Variants in ALS2CL observed in about 807,000 individuals in gnomAD.
The protein encoded by ALS2CL is ALS2 C-terminal-like protein.
A neutral mutation model predicts 127.9 loss-of-function variants in ALS2CL; 112 were observed. The observed-to-expected ratio is 0.88, with a 90% CI of 0.75 to 1.02. The LOEUF (loss-of-function observed/expected upper bound fraction) is 1.02, where lower values mean the gene tolerates loss of function less well. Ranked by LOEUF, ALS2CL falls within the 50% of genes least tolerant of loss-of-function variation. The pLI is 0.00. For synonymous variants in ALS2CL, 519 were observed against 527.6 expected, an observed-to-expected ratio of 0.98 and a Z score of 0.22; for missense variants, 1,174 against 1,236.7, an observed-to-expected ratio of 0.95 and a Z score of 0.76.
chr3:46,679,309 A>T, intron 14 of ALS2CL, 22 bp from the exon 15 acceptor site: 1 of 1,552,772 alleles, frequency 6.4e-7, no homozygotes, highest in South Asian at 1.2e-5. Flanking sequence ...GAAGCCAGGG[A>T]GGGTAGAAAG....
rs1424715473 is a variant in ALS2CL, at chr3:46,670,964, T to G, written c.*20A>C. 1 of 1,608,126 alleles carries G rather than the reference T, an allele frequency of 6.2e-7. No homozygotes were observed. Among genetic ancestry groups the G allele is most frequent in the South Asian group, 1.1e-5 (1 of 90,976 alleles). The stretch of plus-strand genomic sequence containing the variant: ...GGCAGTGCCCTGCTCAGCTCTTCAG[T>G]CTGTCCAGGAAAGGCCAGGCTACCA... On this transcript the variant is annotated 3_prime_UTR_variant, in exon 26 of 26. Transcript: ENST00000318962. This position sits in a 1 kb window ranked among gnomAD's most constrained non-coding sequence, Gnocchi z 5.5.
In ALS2CL at chr3:46,681,151, G is replaced by T; in HGVS notation, c.1436+95C>A. On this transcript the variant is annotated intron_variant, in intron 13 of 25. Coordinates refer to ENST00000318962, the MANE Select transcript of ALS2CL (RefSeq NM_147129.5). The surrounding 1 kb of genome is among the most constrained non-coding windows in gnomAD (Gnocchi z 4.9). ...GTGAGGGGCTTAAGAGAGACACAGTGGGGGACAAACAGGAGCCTGTGTCCT... is the reference window on the plus strand; with the variant it reads ...GTGAGGGGCTTAAGAGAGACACAGTTGGGGACAAACAGGAGCCTGTGTCCT... 1 of 1,562,806 alleles carries T rather than the reference G, an allele frequency of 6.4e-7. No homozygotes were observed. The highest frequency in any genetic ancestry group is 1.7e-4 in the Middle Eastern group (1 of 5,968).
Position 46,678,265 on chromosome 3 carries a change from C to A in ALS2CL, c.1751G>T (p.Cys584Phe). Residue 584 changes from cysteine (C) to phenylalanine (F), a missense_variant, in exon 16 of 26, where the codon TGC (cysteine) becomes TTC (phenylalanine). Transcript: ENST00000318962. The part of the protein sequence containing the change: ...AALPPDPSST[C>F]KRQLGVGAFP... ...AGAGGGGCCAGGCACTCACCTCTTG[C>A]AGGTACTGCTCGGGTCTGGTGGGAG... 1 of 1,590,900 alleles carries A rather than the reference C, an allele frequency of 6.3e-7. No homozygotes were observed. The highest frequency in any genetic ancestry group is 1.7e-4 in the Middle Eastern group (1 of 5,916).
Position 46,675,636 on chromosome 3 carries a change from TC to T in ALS2CL, c.2236del (p.Asp746MetfsTer49), listed in dbSNP as rs1698756035. On this transcript the variant is annotated frameshift_variant, in exon 20 of 26. Coordinates refer to ENST00000318962, the MANE Select transcript of ALS2CL (RefSeq NM_147129.5). LOFTEE classifies it high-confidence loss of function. ...CAGTCACCTTGTCTCTGTGTCTTCA[TC>T]CTCCTCCAGGGCCTGGCCCTTGCGC... The part of the protein sequence containing the change: ...LERKGQALEE[D>X]EDTETRDLQV... 1 of 1,613,638 alleles carries T rather than the reference TC, an allele frequency of 6.2e-7. No homozygotes were observed. The highest frequency in any genetic ancestry group is 8.5e-7 in the Non-Finnish European group (1 of 1,180,010).
At chr3:46,687,332 A>T (rs1314191999) in intron 4 of ALS2CL, among the ~76,000 whole-genome samples, 184 bp from the exon 5 acceptor site, 1 of 152,202 alleles carries the variant, frequency 6.6e-6, no homozygotes, top group African/African-American at 2.4e-5. Context: ...AATATCTCAG[A>T]GTATGAAGGG....
intron 22 of ALS2CL, 37 bp from the exon 23 acceptor site, chr3:46,672,238 G>GC (rs1372333088): frequency 1.2e-6 from 2 of 1,610,694 alleles, no homozygotes; most frequent in Non-Finnish European, 8.5e-7. Context: ...TGAGGCCATG[G>GC]CCCCCCAGCT....
chr3:46,677,315 G>A, intron 16 of ALS2CL: 1 of 1,251,694 alleles, frequency 8.0e-7, no homozygotes, highest in Non-Finnish European at 1.0e-6. Flanking sequence ...CCAAGCCAGA[G>A]AGGGGGTCTT....
chr3:46,687,512 G>T, intron 4 of ALS2CL, 107 bp downstream of exon 4: 1 of 1,286,292 alleles, frequency 7.8e-7, no homozygotes, highest in Non-Finnish European at 1.1e-6. Flanking sequence ...TCCAGGATGA[G>T]TTGTGGGCTG....
At chr3:46,674,483 C>A in intron 21 of ALS2CL, 83 bp downstream of exon 21, 2 of 1,530,740 alleles carry the variant, frequency 1.3e-6, no homozygotes, top group Non-Finnish European at 1.8e-6. Flanking sequence ...AACCTATCAA[C>A]CCCAGCCCCA....
chr3:46,686,491 T>C lies in ALS2CL; in HGVS notation c.535-52A>G, dbSNP rs1205045329. ...GAGGAGAGCTTACTGGAATCTTCCC[T>C]AGCCCAGTCCTGGTCCCGGCTGGTG... On this transcript the variant is annotated intron_variant, in intron 5 of 25. Coordinates refer to ENST00000318962, the MANE Select transcript of ALS2CL (RefSeq NM_147129.5). The surrounding 1 kb of genome is among the most constrained non-coding windows in gnomAD (Gnocchi z 4.3). 1 of 1,584,952 alleles carries C rather than the reference T, an allele frequency of 6.3e-7. No individual in the cohort carries two copies. The highest frequency in any genetic ancestry group is 8.6e-7 in the Non-Finnish European group (1 of 1,164,300).
At chr3:46,689,946 C>A (rs1389218526) in intron 1 of ALS2CL, among the ~76,000 whole-genome samples, 1 of 152,212 alleles carries the variant, frequency 6.6e-6, no homozygotes, top group Non-Finnish European at 1.5e-5. Context: ...TGTCACCCAA[C>A]CAGGCTGTGT....
Position 46,687,603 on chromosome 3 carries a change from C to A in ALS2CL, c.368+16G>T, listed in dbSNP as rs928761970. ...TCCCACCCTGTCAGGGGCCAGTGCACCAGCCCTGTGCTCACCTTCTCCTCT... is the reference window on the plus strand; with the variant it reads ...TCCCACCCTGTCAGGGGCCAGTGCAACAGCCCTGTGCTCACCTTCTCCTCT... On this transcript the variant is annotated intron_variant, in intron 4 of 25. Transcript: ENST00000318962. The A allele has an allele frequency of 1.2e-6, 2 of 1,612,078 alleles. No homozygotes were observed. Among genetic ancestry groups the A allele is most frequent in the Middle Eastern group, 1.7e-4 (1 of 6,060 alleles).
chr3:46,676,998 G>A lies in ALS2CL; in HGVS notation c.1782C>T (p.Pro594=), dbSNP rs565141909. The A allele has an allele frequency of 1.8e-4, 292 of 1,610,110 alleles. 8 individuals are homozygous for A. The East Asian group carries it at 2.2e-3, about 12-fold the overall frequency. ...AGACTCCCTGCCAGCGGCTTTCCAC[G>A]GGGAAGGCACCCACGCCCAGCTGCC... ...CKRQLGVGAF[P]VESRWQGVYS... The change falls in exon 17 of 26, where the codon CCC becomes CCT. Residue 594 remains proline, a synonymous_variant. Coordinates refer to ENST00000318962, the MANE Select transcript of ALS2CL (RefSeq NM_147129.5).
chr3:46,674,457 A>C, intron 21 of ALS2CL, 109 bp downstream of exon 21: 1 of 1,394,062 alleles, frequency 7.2e-7, no homozygotes, highest in African/African-American at 1.4e-5. Flanking sequence ...TAAGCTTAGA[A>C]CTTGGTGGGT....
chr3:46,676,264 C>T lies in ALS2CL; in HGVS notation c.2167G>A (p.Glu723Lys), dbSNP rs1489520333. The change falls in exon 19 of 26, where the codon GAA becomes AAA. Residue 723 changes from glutamate to lysine, a missense_variant. Physicochemically the swap from Glu to Lys is moderately conservative, Grantham distance 56. Transcript: ENST00000318962. ...AQEEVKQHAQ[E>K]LWAAYRGLLR... ...GCCCACCTGTAGGCAGCCCAGAGTT[C>T]CTGGGCATGCTGCTTCACCTCCTCC... 7 of 1,613,272 alleles carry T rather than the reference C, an allele frequency of 4.3e-6. No homozygotes were observed. Among genetic ancestry groups the T allele is most frequent in the Non-Finnish European group, 5.9e-6 (7 of 1,179,872 alleles).
At position 46,686,121 on chromosome 3, in the gene ALS2CL, C is replaced by T. The variant is rs550939010; in HGVS notation, c.666+187G>A. ...GGCCGGGTCAGGGCCTGGCCCAGGACGTGCTCAGCAGACAGATAAGAATGG... is the reference window on the plus strand; with the variant it reads ...GGCCGGGTCAGGGCCTGGCCCAGGATGTGCTCAGCAGACAGATAAGAATGG... On this transcript the variant is annotated intron_variant, in intron 6 of 25. Coordinates refer to ENST00000318962, the MANE Select transcript of ALS2CL (RefSeq NM_147129.5). This position sits in a 1 kb window ranked among gnomAD's most constrained non-coding sequence, Gnocchi z 4.3. Among the ~76,000 whole-genome samples, 4 of 152,290 alleles carry T rather than the reference C, an allele frequency of 2.6e-5. No individual in the cohort carries two copies. The South Asian group carries it at 6.2e-4, about 24-fold the overall frequency.
At position 46,669,948 on chromosome 3, in the gene ALS2CL, G is replaced by A. The variant is rs1167535107; in HGVS notation, c.*1036C>T. On this transcript the variant is annotated 3_prime_UTR_variant, in exon 26 of 26. Transcript: ENST00000318962. ...GGAGCCTGACTTGCTCAGGGCCTAG[G>A]GAATGGGACCAAGAGTGATCCAGCT... The A allele has an allele frequency of 6.6e-6, 1 of 152,260 alleles. No individual in the cohort carries two copies. Among genetic ancestry groups the A allele is most frequent in the Non-Finnish European group, 1.5e-5 (1 of 68,118 alleles). The allele number at this position is 152,260 out of a possible 1,614,324, so 9.4% of individuals were successfully genotyped here.
At chr3:46,687,185 T>C (rs1419824209) in intron 4 of ALS2CL, 37 bp from the exon 5 acceptor site, 3 of 1,478,816 alleles carry the variant, frequency 2.0e-6, no homozygotes, top group Non-Finnish European at 1.8e-6. Context: ...CCTTCACCCC[T>C]TCCTCCATTC....
In ALS2CL at chr3:46,671,479, G is replaced by A. The variant is rs749096357; in HGVS notation, c.2781+9C>T. On this transcript the variant is annotated intron_variant, in intron 25 of 25. Coordinates refer to ENST00000318962, the MANE Select transcript of ALS2CL (RefSeq NM_147129.5). ...ATTTCCACCTCGGTCCACAGCCCCT[G>A]TCCCTTACCTCCAGGGCTGTGAGCA... 2 of 1,613,992 alleles carry A rather than the reference G, an allele frequency of 1.2e-6. No individual in the cohort carries two copies. The highest frequency in any genetic ancestry group is 8.5e-7 in the Non-Finnish European group (1 of 1,179,994).
Sources: gnomAD v4.1 joint callset for allele counts (sites outside exome capture counted in the v4.1 genomes callset) on GRCh38, gnomAD v4.1.1 for gene constraint, Gnocchi (gnomAD v3.1) non-coding constraint, MANE v1.5 for transcripts, NCBI Gene and HGNC (gene_info 2026-07-23, HGNC 2026-07-21) for gene names.